PCDHGB1: variants seen among roughly 807,000 people sequenced by gnomAD.
PCDHGB1 encodes the protein protocadherin gamma-B1.
PCDHGB1 carries 34 observed loss-of-function variants against 56.6 expected under a neutral mutation model. The observed-to-expected ratio is 0.60, with a 90% CI of 0.46 to 0.80. PCDHGB1 has a LOEUF of 0.80. Among genes scored for constraint, PCDHGB1 ranks in the 30% least tolerant of loss-of-function variants. The probability of loss-of-function intolerance (pLI) is 0.00; values close to 1 mark genes in which losing one functional copy is unlikely to be tolerated. For synonymous variants in PCDHGB1, 561 were observed against 505.9 expected (o/e 1.11, Z -1.46); for missense variants, 1,278 against 1,204.6 (o/e 1.06, Z -0.90).
At chr5:141,415,318 C>T (rs1324377536) in intron 1 of PCDHGB1, 4 of 1,614,252 alleles carry the variant, frequency 2.5e-6, no homozygotes, top group Admixed American at 1.7e-5. Flanking sequence ...CGTCATCGTG[C>T]TGCTGGCGCA....
chr5:141,433,742 C>G (rs927651405), intron 1 of PCDHGB1, among the ~76,000 whole-genome samples: 1 of 150,826 alleles, frequency 6.6e-6, no homozygotes, highest in Non-Finnish European at 1.5e-5. Flanking sequence ...GAGGCTGAGT[C>G]AGGAGAATTG....
At position 141,487,501 on chromosome 5, in the gene PCDHGB1, T is replaced by C. The variant is rs746285663; in HGVS notation, c.2410-7306T>C. 1.2e-6 allele frequency: 2 copies of C among 1,614,232 alleles called. No individual in the cohort carries two copies. The highest frequency in any genetic ancestry group is 3.3e-5 in the Admixed American group (2 of 60,028). ...ACTCTCATGGCTGTACACCCTTGGC[T>C]TCTGCACCCACTCGGAGTGATAGCT... On this transcript the variant is annotated intron_variant, in intron 1 of 3. Coordinates refer to ENST00000523390, the MANE Select transcript of PCDHGB1 (RefSeq NM_018922.3). The surrounding 1 kb of genome is among the most constrained non-coding windows in gnomAD (Gnocchi z 5.0).
At chr5:141,357,029 A>G (rs1217992138) in intron 1 of PCDHGB1, 1 of 1,614,042 alleles carries the variant, frequency 6.2e-7, no homozygotes, top group South Asian at 1.1e-5. Context: ...AGCCTACTCA[A>G]GTCCAGCGAG....
intron 1 of PCDHGB1, among the ~76,000 whole-genome samples, chr5:141,457,293 T>A (rs2098916185): frequency 6.6e-6 from 1 of 152,226 alleles, no homozygotes; most frequent in Admixed American, 6.5e-5. Context: ...TTCCTTGGTT[T>A]TATTTTCCCA....
intron 1 of PCDHGB1, among the ~76,000 whole-genome samples, chr5:141,457,938 G>A (rs915640623): frequency 6.6e-6 from 1 of 152,160 alleles, no homozygotes; most frequent in African/African-American, 2.4e-5. Flanking sequence ...GCTTTTATTG[G>A]CTCTGCATGT....
At position 141,383,086 on chromosome 5, in the gene PCDHGB1, G is replaced by A. The variant is rs373805952; in HGVS notation, c.2409+30417G>A. 3.1e-6 allele frequency: 5 copies of A among 1,613,788 alleles called. No individual in the cohort carries two copies. The African/African-American group carries it at 6.7e-5, about 22-fold the overall frequency. On this transcript the variant is annotated intron_variant, in intron 1 of 3. Transcript: ENST00000523390. ...GGAGCCCCGGGAGCTGGCGGAGCGC[G>A]GAGTCCGCATCATCTCCAGAGGTAG...
chr5:141,416,996 C>T (rs1280099812), intron 1 of PCDHGB1: 1 of 151,012 alleles, frequency 6.6e-6, no homozygotes. Flanking sequence ...GTGCATTCAT[C>T]TCAAATAATT....
chr5:141,459,506 A>G (rs1156362858), intron 1 of PCDHGB1, among the ~76,000 whole-genome samples: 1 of 152,236 alleles, frequency 6.6e-6, no homozygotes, highest in East Asian at 1.9e-4. Flanking sequence ...GATGTGAACA[A>G]TCATGTACAA....
rs1267722283 is a variant in PCDHGB1 at position 141,493,105 on chromosome 5, G to A, written c.2410-1702G>A. Reference sequence around the variant, plus strand: ...GAGCTTTTATTCAAAATATATCAATGCCTAACTCTGCTCCTAGGACTGTAT... The same window carrying A: ...GAGCTTTTATTCAAAATATATCAATACCTAACTCTGCTCCTAGGACTGTAT... On this transcript the variant is annotated intron_variant, in intron 1 of 3. Coordinates refer to ENST00000523390, the MANE Select transcript of PCDHGB1 (RefSeq NM_018922.3). This position sits in a 1 kb window ranked among gnomAD's most constrained non-coding sequence, Gnocchi z 4.3. Among the ~76,000 whole-genome samples, 1 of 152,076 alleles carries A rather than the reference G, an allele frequency of 6.6e-6. No homozygotes were observed. Among genetic ancestry groups the A allele is most frequent in the Non-Finnish European group, 1.5e-5 (1 of 67,994 alleles).
chr5:141,402,892 A>G, intron 1 of PCDHGB1: 10 of 1,498,814 alleles, frequency 6.7e-6, no homozygotes, highest in Non-Finnish European at 8.9e-6. Flanking sequence ...GGTGGAAGAA[A>G]GAACCTGATG....
intron 1 of PCDHGB1, chr5:141,422,627 C>T: frequency 6.2e-7 from 1 of 1,613,350 alleles, no homozygotes; most frequent in Non-Finnish European, 8.5e-7. Flanking sequence ...GAAAACAACC[C>T]CAGGGGTGCC....
At chr5:141,501,326 CACACA>C (rs2099807944) in intron 2 of PCDHGB1, among the ~76,000 whole-genome samples, 1 of 151,784 alleles carries the variant, frequency 6.6e-6, no homozygotes, top group Non-Finnish European at 1.5e-5. Flanking sequence ...CACACACACA[CACACA>C]CACCCCAAAC....
intron 1 of PCDHGB1, chr5:141,365,283 A>C: frequency 6.2e-7 from 1 of 1,614,010 alleles, no homozygotes; most frequent in East Asian, 2.2e-5. Context: ...TACCTCATGG[A>C]AGTGGTAGCT....
chr5:141,432,400 G>A lies in PCDHGB1; in HGVS notation c.2410-62407G>A, dbSNP rs139153105. ...ACCCGCCCCTCAGCAGCAACGTGTC[G>A]TTGAGCCTGTTCGTGCTGGACCAGA... On this transcript the variant is annotated intron_variant, in intron 1 of 3. Transcript: ENST00000523390. The surrounding 1 kb of genome is among the most constrained non-coding windows in gnomAD (Gnocchi z 6.0). 5.6e-6 allele frequency: 9 copies of A among 1,614,122 alleles called. No homozygotes were observed. In the East Asian group the frequency reaches 6.7e-5, roughly 12 times the overall value.
At chr5:141,394,506 C>T (rs1487868399) in intron 1 of PCDHGB1, 1 of 1,614,096 alleles carries the variant, frequency 6.2e-7, no homozygotes, top group Non-Finnish European at 8.5e-7. Flanking sequence ...GATCCTGTAC[C>T]CCGCCCTCCC....
chr5:141,446,075 A>G (rs907731619), intron 1 of PCDHGB1, among the ~76,000 whole-genome samples: 1 of 152,216 alleles, frequency 6.6e-6, no homozygotes, highest in Admixed American at 6.5e-5. Context: ...GAGGCAGTGG[A>G]TGTAGAAATA....
chr5:141,432,974 C>T lies in PCDHGB1; in HGVS notation c.2410-61833C>T. ...CGGCTTGACAGGAGCGCCGGCGTCG[C>T]ACTTTGTGGGCGTGGACGGGGTGCA... On this transcript the variant is annotated intron_variant, in intron 1 of 3. Coordinates refer to ENST00000523390, the MANE Select transcript of PCDHGB1 (RefSeq NM_018922.3). This position sits in a 1 kb window ranked among gnomAD's most constrained non-coding sequence, Gnocchi z 6.0. 6.2e-7 allele frequency: 1 copy of T among 1,614,204 alleles called. No individual in the cohort carries two copies. Among genetic ancestry groups the T allele is most frequent in the Non-Finnish European group, 8.5e-7 (1 of 1,180,030 alleles).
chr5:141,360,265 A>C, intron 1 of PCDHGB1: 1 of 1,613,874 alleles, frequency 6.2e-7, no homozygotes, highest in Non-Finnish European at 8.5e-7. Context: ...GCTGGCCAAA[A>C]ACTCGGTCGT....
At chr5:141,364,706 A>G (rs1373538409) in intron 1 of PCDHGB1, 3 of 1,613,862 alleles carry the variant, frequency 1.9e-6, no homozygotes, top group Non-Finnish European at 2.5e-6. Context: ...AATAATCGAT[A>G]TTAATGATAA....
Sources: gnomAD v4.1 joint callset for allele counts (sites outside exome capture counted in the v4.1 genomes callset) on GRCh38, gnomAD v4.1.1 for gene constraint, Gnocchi (gnomAD v3.1) non-coding constraint, MANE v1.5 for transcripts, NCBI Gene and HGNC (gene_info 2026-07-23, HGNC 2026-07-21) for gene names.